The following GAB2 variants were observed in gnomAD, a reference collection of about 807,000 sequenced individuals.
GAB2 encodes the protein GRB2-associated-binding protein 2.
GAB2 carries 26 observed loss-of-function variants against 65.5 expected under a neutral mutation model. The observed-to-expected ratio is 0.40, with a 90% CI of 0.29 to 0.55. The LOEUF is 0.55. Ranked by LOEUF, GAB2 falls within the 20% of genes least tolerant of loss-of-function variation. The pLI, the probability that GAB2 is intolerant of heterozygous loss-of-function variation, is 0.53. For missense variants in GAB2, 884 were observed against 875.8 expected, an observed-to-expected ratio of 1.01 and a Z score of -0.12; for synonymous variants, 321 against 329.6, an observed-to-expected ratio of 0.97 and a Z score of 0.28.
intron 1 of GAB2, among the ~76,000 whole-genome samples, chr11:78,416,588 A>G (rs1463991124): frequency 6.6e-6 from 1 of 152,136 alleles, no homozygotes; most frequent in Non-Finnish European, 1.5e-5. Flanking sequence ...TCGGCACCAC[A>G]GCCCGTTAAA....
intron 1 of GAB2, among the ~76,000 whole-genome samples, chr11:78,324,208 G>A (rs1855782710): frequency 6.6e-6 from 1 of 152,102 alleles, no homozygotes; most frequent in Non-Finnish European, 1.5e-5. Flanking sequence ...AATTCTACAA[G>A]TATATCATAT....
At chr11:78,317,349 T>G (rs1855628669) in intron 1 of GAB2, among the ~76,000 whole-genome samples, 1 of 152,058 alleles carries the variant, frequency 6.6e-6, no homozygotes, top group Non-Finnish European at 1.5e-5. Flanking sequence ...GATCGTAAGT[T>G]AAGAGATTGA....
intron 1 of GAB2, among the ~76,000 whole-genome samples, chr11:78,312,464 C>T (rs1246338341): frequency 1.3e-5 from 2 of 152,208 alleles, no homozygotes; most frequent in Non-Finnish European, 2.9e-5. Context: ...CTCGCTCTGT[C>T]GCCCAGGCTG....
intron 3 of GAB2, among the ~76,000 whole-genome samples, chr11:78,236,191 G>A (rs577669741): frequency 2.6e-5 from 4 of 152,026 alleles, no homozygotes; most frequent in Non-Finnish European, 5.9e-5. Context: ...AGTATTCCAC[G>A]TTTTCTGGTA....
In GAB2 at chr11:78,386,626, CAAG is replaced by C. The variant is rs553022689; in HGVS notation, c.75+31017_75+31019del. ...CAACCCTATATGCCTGAATACTCTG[CAAG>C]AAGGCCTGGAGGTTTTCCAAAACTG... On this transcript the variant is annotated intron_variant, in intron 1 of 9. Coordinates refer to ENST00000361507, the MANE Select transcript of GAB2 (RefSeq NM_080491.3). Among the ~76,000 whole-genome samples, 541 of 152,298 alleles carry C rather than the reference CAAG, an allele frequency of 3.6e-3. 5 individuals are homozygous for C. Among genetic ancestry groups the C allele is most frequent in the African/African-American group, 0.012 (488 of 41,562 alleles).
At chr11:78,336,862 C>A (rs561718813) in intron 1 of GAB2, among the ~76,000 whole-genome samples, 2 of 152,038 alleles carry the variant, frequency 1.3e-5, no homozygotes. Context: ...ACAAAATAAA[C>A]CAAAGAATTG....
chr11:78,331,130 G>A (rs1437898858), intron 1 of GAB2, among the ~76,000 whole-genome samples: 1 of 152,020 alleles, frequency 6.6e-6, no homozygotes, highest in Non-Finnish European at 1.5e-5. Flanking sequence ...AGCCGAAATC[G>A]CGCCACTGCA....
chr11:78,306,229 T>C (rs1385164869), intron 1 of GAB2, among the ~76,000 whole-genome samples: 2 of 152,118 alleles, frequency 1.3e-5, no homozygotes, highest in African/African-American at 2.4e-5. Flanking sequence ...CTTTTTTATT[T>C]TTATTTATTC....
At chr11:78,322,285 G>A (rs1855739022) in intron 1 of GAB2, among the ~76,000 whole-genome samples, 2 of 103,440 alleles carry the variant, frequency 1.9e-5, no homozygotes, top group Admixed American at 1.1e-4. Flanking sequence ...GCTGACAGAG[G>A]GAGACTCTGT....
chr11:78,277,861 G>A lies in GAB2; in HGVS notation c.376+2740C>T, dbSNP rs147879456. ...TTCCAAGTGTTCTTTACTTCCTTTT[G>A]TTCCTGCTCTAACACTTTTTAATAA... On this transcript the variant is annotated intron_variant, in intron 2 of 9. Coordinates refer to ENST00000361507, the MANE Select transcript of GAB2 (RefSeq NM_080491.3). 9.1e-4 allele frequency among the ~76,000 whole-genome samples: 138 copies of A among 152,264 alleles called. 1 individual carries two copies. Among genetic ancestry groups the A allele is most frequent in the African/African-American group, 3.2e-3 (134 of 41,560 alleles).
chr11:78,288,145 C>T (rs943143005), intron 1 of GAB2, among the ~76,000 whole-genome samples: 4 of 150,780 alleles, frequency 2.7e-5, no homozygotes, highest in African/African-American at 4.9e-5. Flanking sequence ...TTTAGGAGGC[C>T]GAGGCATGTG....
intron 3 of GAB2, among the ~76,000 whole-genome samples, chr11:78,244,663 T>TAAAAAAAAAAA (rs36056237): frequency 1.3e-5 from 1 of 74,772 alleles, no homozygotes; most frequent in African/African-American, 5.7e-5. Flanking sequence ...ACATTCATAG[T>TAAAAAAAAAAA]AAAAAAAAAA....
intron 1 of GAB2, among the ~76,000 whole-genome samples, chr11:78,287,039 C>A (rs939484628): frequency 4.6e-5 from 7 of 152,196 alleles, no homozygotes; most frequent in African/African-American, 1.4e-4. Context: ...TATAAAAACA[C>A]ATGACCAAAT....
Position 78,250,172 on chromosome 11 carries a change from C to A in GAB2, c.605G>T (p.Arg202Ile). 6.2e-7 allele frequency: 1 copy of A among 1,612,964 alleles called. No homozygotes were observed. The highest frequency in any genetic ancestry group is 1.1e-5 in the South Asian group (1 of 90,884). Residue 202 changes from arginine (R) to isoleucine (I), a missense_variant, in exon 3 of 10, where the codon AGA becomes ATA. Coordinates refer to ENST00000361507, the MANE Select transcript of GAB2 (RefSeq NM_080491.3). ...AGCCTCCTACCTTGCATTTTCTGCTCTTCGGCTTATGCACTGGTGCAAGTA... is the reference window on the plus strand; with the variant it reads ...AGCCTCCTACCTTGCATTTTCTGCTATTCGGCTTATGCACTGGTGCAAGTA... ...YLYLHQCISR[R>I]AENARSASFS... is the part of the protein sequence containing the mutation.
chr11:78,336,269 G>A (rs560456855), intron 1 of GAB2, among the ~76,000 whole-genome samples: 21 of 122,978 alleles, frequency 1.7e-4, no homozygotes, highest in African/African-American at 4.9e-4. Context: ...AGCCAAGATC[G>A]CACCACTGCA....
chr11:78,295,449 C>T (rs1020390352), intron 1 of GAB2, among the ~76,000 whole-genome samples: 18 of 152,080 alleles, frequency 1.2e-4, no homozygotes, highest in African/African-American at 4.3e-4. Context: ...ATGTCTTTTC[C>T]ATTAGCACTT....
intron 1 of GAB2, among the ~76,000 whole-genome samples, chr11:78,298,081 T>C (rs575084899): frequency 1.7e-3 from 257 of 152,280 alleles, no homozygotes; most frequent in Middle Eastern, 3.4e-3. Context: ...TTCTAAAAGA[T>C]CATTCTGGCC....
chr11:78,383,898 G>A (rs1038725109), intron 1 of GAB2, among the ~76,000 whole-genome samples: 2 of 152,088 alleles, frequency 1.3e-5, no homozygotes, highest in East Asian at 1.9e-4. Flanking sequence ...AACTTTACTC[G>A]CCAGGCATTG....
intron 1 of GAB2, among the ~76,000 whole-genome samples, chr11:78,310,689 C>T (rs1855481230): frequency 6.6e-6 from 1 of 152,122 alleles, no homozygotes; most frequent in Admixed American, 6.5e-5. Context: ...TGATGAATCT[C>T]AGTTCACCAA....
Sources: gnomAD v4.1 joint callset for allele counts (sites outside exome capture counted in the v4.1 genomes callset) on GRCh38, gnomAD v4.1.1 for gene constraint, MANE v1.5 for transcripts, NCBI Gene and HGNC (gene_info 2026-07-23, HGNC 2026-07-21) for gene names.